The following TGM6 variants were observed in gnomAD, a reference collection of about 807,000 sequenced individuals.
TGM6 encodes transglutaminase 6, also known as protein-glutamine gamma-glutamyltransferase 6.
Under a neutral mutation model 77.5 loss-of-function variants are expected in TGM6, and 74 were observed. The observed-to-expected ratio is 0.96, with a 90% CI of 0.79 to 1.16. The LOEUF (loss-of-function observed/expected upper bound fraction) is 1.16. Ranked by LOEUF, TGM6 falls within the 50% of genes most tolerant of loss-of-function variation. The probability of loss-of-function intolerance (pLI) is 0.00; values close to 1 mark genes in which losing one functional copy is unlikely to be tolerated. For missense variants in TGM6, 968 were observed against 940.2 expected (o/e 1.03, Z -0.39); for synonymous variants, 383 against 378.9 (o/e 1.01, Z -0.12).
At chr20:2,391,351 G>T (rs1009770977) in intron 1 of TGM6, among the ~76,000 whole-genome samples, 1 of 152,122 alleles carries the variant, frequency 6.6e-6, no homozygotes, top group African/African-American at 2.4e-5. Context: ...GGCCGAGGCA[G>T]GAACATCTCA....
Position 2,395,412 on chromosome 20 carries a change from C to G in TGM6, c.400C>G (p.Leu134Val), listed in dbSNP as rs1466145592. Residue 134 changes from leucine (L) to valine (V), a missense_variant, in exon 3 of 13, where the codon CTC (leucine) becomes GTC (valine). By Grantham distance (32) the Leu-to-Val change is conservative. Transcript: ENST00000202625. Reference sequence around the variant, plus strand: ...CAACCGGAGGCTGGGCGAGTTTGTTCTCCTTTTCAACCCATGGTGTGCAGG... The same window carrying G: ...CAACCGGAGGCTGGGCGAGTTTGTTGTCCTTTTCAACCCATGGTGTGCAGG... ...HSNRRLGEFV[L>V]LFNPWCAEDD... is the part of the protein sequence containing the mutation. The G allele has an allele frequency of 6.2e-7, 1 of 1,614,134 alleles. No individual in the cohort carries two copies. The highest frequency in any genetic ancestry group is 8.5e-7 in the Non-Finnish European group (1 of 1,180,058).
At chr20:2,418,916 A>T (rs1405851629) in intron 10 of TGM6, among the ~76,000 whole-genome samples, 1 of 151,968 alleles carries the variant, frequency 6.6e-6, no homozygotes. Flanking sequence ...CTCTACTAAA[A>T]ATACAAGAAA....
At chr20:2,409,066 G>A (rs2084769251) in intron 9 of TGM6, among the ~76,000 whole-genome samples, 2 of 152,072 alleles carry the variant, frequency 1.3e-5, no homozygotes, top group Non-Finnish European at 2.9e-5. Context: ...ATCCAGAATT[G>A]ACCATATGCT....
At chr20:2,430,369 T>G in intron 10 of TGM6, 77 bp from the exon 11 acceptor site, 9 of 1,568,568 alleles carry the variant, frequency 5.7e-6, no homozygotes, top group Non-Finnish European at 7.9e-6. Context: ...CTATTAGTTG[T>G]GCATTCCCTT....
intron 7 of TGM6, 27 bp from the exon 8 acceptor site, chr20:2,403,370 G>C (rs1298187176): frequency 6.2e-7 from 1 of 1,613,584 alleles, no homozygotes; most frequent in Admixed American, 1.7e-5. Context: ...ACTCTAGGCA[G>C]CTTCACCCAT....
chr20:2,395,402 C>T lies in TGM6; in HGVS notation c.390C>T (p.Gly130=), dbSNP rs751704232. The stretch of plus-strand genomic sequence containing the variant: ...GCAAACACAGCAACCGGAGGCTGGG[C>T]GAGTTTGTTCTCCTTTTCAACCCAT... ...SHRKHSNRRL[G]EFVLLFNPWC... Residue 130 remains glycine (G), a synonymous_variant, in exon 3 of 13, where the codon GGC becomes GGT. Coordinates refer to ENST00000202625, the MANE Select transcript of TGM6 (RefSeq NM_198994.3). The T allele has an allele frequency of 2.7e-5, 44 of 1,614,098 alleles. No individual in the cohort carries two copies. The highest frequency in any genetic ancestry group is 1.9e-4 in the South Asian group (17 of 91,086).
intron 1 of TGM6, among the ~76,000 whole-genome samples, chr20:2,382,720 T>C (rs2084564728): frequency 6.6e-6 from 1 of 152,188 alleles, no homozygotes; most frequent in Non-Finnish European, 1.5e-5. Context: ...CCTGAATGAC[T>C]GAGACATCAG....
intron 10 of TGM6, among the ~76,000 whole-genome samples, chr20:2,418,946 A>G (rs1005201525): frequency 5.9e-5 from 9 of 152,052 alleles, no homozygotes; most frequent in Non-Finnish European, 1.3e-4. Context: ...GCATGGTGGC[A>G]CACGCCTGTA....
chr20:2,415,428 G>A (rs2084809351), intron 9 of TGM6, among the ~76,000 whole-genome samples: 1 of 152,194 alleles, frequency 6.6e-6, no homozygotes, highest in South Asian at 2.1e-4. Flanking sequence ...CAGGAAGGGA[G>A]GGGATGTTCT....
chr20:2,420,263 A>T (rs893769467), intron 10 of TGM6, among the ~76,000 whole-genome samples: 3 of 152,162 alleles, frequency 2.0e-5, no homozygotes, highest in Admixed American at 1.3e-4. Context: ...AAACAAAAAA[A>T]AAAGTGAAAT....
chr20:2,405,767 G>T (rs1439514765), intron 9 of TGM6, among the ~76,000 whole-genome samples: 1 of 152,166 alleles, frequency 6.6e-6, no homozygotes, highest in Non-Finnish European at 1.5e-5. Context: ...GTTTTACAAG[G>T]CTGTGGCCCC....
intron 10 of TGM6, among the ~76,000 whole-genome samples, chr20:2,425,564 C>G (rs1418740419): frequency 6.6e-6 from 1 of 152,132 alleles, no homozygotes; most frequent in Non-Finnish European, 1.5e-5. Context: ...ATGACTGTAC[C>G]TTTATAGTAA....
chr20:2,409,709 CAA>C (rs377094400), intron 9 of TGM6, among the ~76,000 whole-genome samples: 8 of 102,830 alleles, frequency 7.8e-5, no homozygotes, highest in Admixed American at 1.1e-4. Context: ...GAGACTGTCT[CAA>C]AAAAAAAAAA....
intron 10 of TGM6, among the ~76,000 whole-genome samples, chr20:2,419,724 A>G (rs1599964582): frequency 6.6e-6 from 1 of 152,322 alleles, no homozygotes; most frequent in South Asian, 2.1e-4. Context: ...CTCCTCACAA[A>G]CATCATTTTA....
At chr20:2,383,642 G>T (rs1374987322) in intron 1 of TGM6, among the ~76,000 whole-genome samples, 3 of 152,226 alleles carry the variant, frequency 2.0e-5, no homozygotes, top group Admixed American at 2.0e-4. Flanking sequence ...ATAGTGATGG[G>T]ATGGATTGAA....
intron 4 of TGM6, 147 bp downstream of exon 4, chr20:2,396,771 A>G (rs1423143173): frequency 1.3e-6 from 1 of 766,716 alleles, no homozygotes; most frequent in Non-Finnish European, 2.2e-6. Context: ...TCATTCATCT[A>G]CTATTCACTG....
chr20:2,429,221 C>T (rs539540929), intron 10 of TGM6, among the ~76,000 whole-genome samples: 6 of 152,276 alleles, frequency 3.9e-5, no homozygotes, highest in Admixed American at 6.5e-5. Flanking sequence ...TACTTTAACA[C>T]ATGAATCACC....
At chr20:2,413,642 A>G (rs565296460) in intron 9 of TGM6, among the ~76,000 whole-genome samples, 22 of 152,356 alleles carry the variant, frequency 1.4e-4, no homozygotes, top group African/African-American at 5.3e-4. Flanking sequence ...CCCACATGCA[A>G]AAGAATGAAG....
chr20:2,406,037 C>G (rs1362261578), intron 9 of TGM6, among the ~76,000 whole-genome samples: 1 of 152,204 alleles, frequency 6.6e-6, no homozygotes, highest in Non-Finnish European at 1.5e-5. Flanking sequence ...TACCCCCAAA[C>G]CTTAACACTG....
Sources: gnomAD v4.1 joint callset for allele counts (sites outside exome capture counted in the v4.1 genomes callset) on GRCh38, gnomAD v4.1.1 for gene constraint, MANE v1.5 for transcripts, NCBI Gene and HGNC (gene_info 2026-07-23, HGNC 2026-07-21) for gene names.